The following ZBTB5 variants were observed in gnomAD, a reference collection of about 807,000 sequenced individuals.
ZBTB5 encodes the protein zinc finger and BTB domain-containing protein 5.
ZBTB5 carries 15 observed loss-of-function variants against 37.9 expected under a neutral mutation model. That is an observed-to-expected ratio of 0.40 (90% CI 0.26 to 0.61). ZBTB5 has a LOEUF of 0.61. ZBTB5 is among the 20% of genes least tolerant of loss of function. ZBTB5 has a pLI of 0.47. For missense variants in ZBTB5, 708 were observed against 856.8 expected, an observed-to-expected ratio of 0.83 and a Z score of 2.17; for synonymous variants, 315 against 312.4, an observed-to-expected ratio of 1.01 and a Z score of -0.09.
In ZBTB5 at chr9:37,440,807, G is replaced by A; in HGVS notation, c.1745C>T (p.Pro582Leu). Residue 582 changes from proline to leucine, a missense_variant, in exon 2 of 2, where the codon CCA (proline) becomes CTA (leucine). Around this residue, in one of 3 missense-constraint regions of ZBTB5, gnomAD observed 639 missense variants for 690.5 expected, o/e 0.93. Coordinates refer to ENST00000307750, the MANE Select transcript of ZBTB5 (RefSeq NM_014872.3). ...ENGHPSQPGP[P>L]QLTRASADVL... is the part of the protein sequence containing the mutation. ...ATCTGCAGATGCCCTGGTCAACTGT[G>A]GAGGGCCAGGCTGGGAAGGATGGCC... 3 of 1,614,208 alleles carry A rather than the reference G, an allele frequency of 1.9e-6. No homozygotes were observed. The highest frequency in any genetic ancestry group is 2.5e-6 in the Non-Finnish European group (3 of 1,180,042).
intron 1 of ZBTB5, among the ~76,000 whole-genome samples, chr9:37,455,287 C>A (rs985027872): frequency 6.6e-6 from 1 of 152,184 alleles, no homozygotes; most frequent in Admixed American, 6.5e-5. Context: ...GGCCACAGGA[C>A]AGCCGAACTC....
Position 37,442,459 on chromosome 9 carries a change from C to T in ZBTB5, c.93G>A (p.Gly31=), listed in dbSNP as rs770215945. Residue 31 remains glycine, a synonymous_variant, in exon 2 of 2, where the codon GGG becomes GGA. Transcript: ENST00000307750. ...GQLCDCVIVV[G]NRHFKAHRSV... ...AGCGGTGGGCTTTAAAGTGTCTATTCCCCACTACAATGACACAATCACAGA... is the reference window on the plus strand; with the variant it reads ...AGCGGTGGGCTTTAAAGTGTCTATTTCCCACTACAATGACACAATCACAGA... 9.9e-6 allele frequency: 16 copies of T among 1,614,096 alleles called. No homozygotes were observed. The Admixed American group carries it at 2.5e-4, about 25-fold the overall frequency.
intron 1 of ZBTB5, among the ~76,000 whole-genome samples, chr9:37,444,282 T>C (rs1292186589): frequency 6.6e-6 from 1 of 151,972 alleles, no homozygotes; most frequent in Non-Finnish European, 1.5e-5. Context: ...CACTGCAACC[T>C]CCGCCTCCCG....
At chr9:37,453,169 C>T (rs956498580) in intron 1 of ZBTB5, among the ~76,000 whole-genome samples, 3 of 152,172 alleles carry the variant, frequency 2.0e-5, no homozygotes, top group Non-Finnish European at 2.9e-5. Context: ...TTCTAAGATG[C>T]CACATGTCTG....
At chr9:37,451,808 G>A (rs1251499655) in intron 1 of ZBTB5, among the ~76,000 whole-genome samples, 7 of 152,240 alleles carry the variant, frequency 4.6e-5, no homozygotes, top group Middle Eastern at 3.4e-3. Flanking sequence ...CTAGGGAGTC[G>A]AAGTTGTCCT....
intron 1 of ZBTB5, among the ~76,000 whole-genome samples, chr9:37,456,453 G>C (rs1473194809): frequency 6.6e-6 from 1 of 152,172 alleles, no homozygotes; most frequent in Non-Finnish European, 1.5e-5. Context: ...GCTCTGTCAG[G>C]GTTGGCTCAG....
chr9:37,449,575 G>A (rs1451012692), intron 1 of ZBTB5, among the ~76,000 whole-genome samples: 1 of 151,820 alleles, frequency 6.6e-6, no homozygotes, highest in Non-Finnish European at 1.5e-5. Flanking sequence ...GCACATGCCT[G>A]TAGTCTCAGC....
intron 1 of ZBTB5, among the ~76,000 whole-genome samples, chr9:37,448,488 T>C (rs1824036204): frequency 1.3e-5 from 2 of 152,150 alleles, no homozygotes; most frequent in Non-Finnish European, 2.9e-5. Flanking sequence ...ATAGGGCCCC[T>C]CTACATATTA....
intron 1 of ZBTB5, 115 bp from the exon 2 acceptor site, chr9:37,442,670 G>T: frequency 1.3e-6 from 1 of 786,428 alleles, no homozygotes; most frequent in Non-Finnish European, 2.0e-6. Context: ...TTTGAAGCCC[G>T]TGATATCTCT....
intron 1 of ZBTB5, among the ~76,000 whole-genome samples, chr9:37,446,353 A>T (rs1301896704): frequency 1.3e-5 from 2 of 152,208 alleles, no homozygotes; most frequent in Non-Finnish European, 2.9e-5. Flanking sequence ...CCTGGGAAAT[A>T]ACTGAAATGG....
chr9:37,458,785 A>G (rs1359788479), intron 1 of ZBTB5, among the ~76,000 whole-genome samples: 1 of 152,260 alleles, frequency 6.6e-6, no homozygotes, highest in Non-Finnish European at 1.5e-5. Context: ...ATGACCATGT[A>G]GCCATGTAAC....
Position 37,441,413 on chromosome 9 carries a change from G to A in ZBTB5, c.1139C>T (p.Ser380Leu), listed in dbSNP as rs1418219167. ...CCTGTCTGTGCTAGACTGGGGATCT[G>A]AAAAACTCCGATCACTGCTTTCAGG... Reference protein sequence around the residue: ...LSPESSDRSFSDPQSSTDRVG... With the variant: ...LSPESSDRSFLDPQSSTDRVG... The change falls in exon 2 of 2, where the codon TCA becomes TTA. Residue 380 changes from serine (S) to leucine (L), a missense_variant. Around this residue, in one of 3 missense-constraint regions of ZBTB5, gnomAD observed 639 missense variants for 690.5 expected, o/e 0.93. Coordinates refer to ENST00000307750, the MANE Select transcript of ZBTB5 (RefSeq NM_014872.3). The A allele has an allele frequency of 1.1e-5, 17 of 1,613,774 alleles. No homozygotes were observed. Among genetic ancestry groups the A allele is most frequent in the Non-Finnish European group, 1.4e-5 (16 of 1,179,990 alleles).
intron 1 of ZBTB5, among the ~76,000 whole-genome samples, chr9:37,454,760 A>G (rs1431308247): frequency 6.6e-6 from 1 of 152,250 alleles, no homozygotes. Flanking sequence ...TACTTCATTC[A>G]TAACAAAAAC....
At chr9:37,457,314 A>G (rs189612810) in intron 1 of ZBTB5, among the ~76,000 whole-genome samples, 89 of 152,320 alleles carry the variant, frequency 5.8e-4, no homozygotes, top group African/African-American at 2.0e-3. Context: ...AGCTCACTGT[A>G]GCCTCCACTT....
At position 37,441,693 on chromosome 9, in the gene ZBTB5, A is replaced by T. The variant is rs751509242; in HGVS notation, c.859T>A (p.Ser287Thr). The stretch of plus-strand genomic sequence containing the variant: ...ACCTGAGTTGCACGAGAGGCCATGG[A>T]CAACTGTGCCATGTTGCCAGCACTG... ...DNSAGNMAQL[S>T]MASRATQVET... The change falls in exon 2 of 2, where the codon TCC becomes ACC. Residue 287 changes from serine (S) to threonine (T), a missense_variant. By Grantham distance (58) the Ser-to-Thr change is moderately conservative. Around this residue, in one of 3 missense-constraint regions of ZBTB5, gnomAD observed 639 missense variants for 690.5 expected, o/e 0.93. Transcript: ENST00000307750. The T allele has an allele frequency of 6.2e-7, 1 of 1,613,934 alleles. No individual in the cohort carries two copies. The highest frequency in any genetic ancestry group is 1.1e-5 in the South Asian group (1 of 91,074).
rs992487956 is a variant in ZBTB5 at position 37,440,447 on chromosome 9, G to A, written c.*71C>T. Reference sequence around the variant, plus strand: ...GGCAGCTGGAAGCCTCGAACCCAAAGGCATTAACTGCTTACCAAAAGAAAT... The same window carrying A: ...GGCAGCTGGAAGCCTCGAACCCAAAAGCATTAACTGCTTACCAAAAGAAAT... On this transcript the variant is annotated 3_prime_UTR_variant, in exon 2 of 2. Transcript: ENST00000307750. The A allele has an allele frequency of 1.1e-5, 16 of 1,401,576 alleles. No homozygotes were observed. Among genetic ancestry groups the A allele is most frequent in the South Asian group, 7.6e-5 (6 of 78,796 alleles). The allele number at this position is 1,401,576 out of a possible 1,614,324, so 86.8% of individuals were successfully genotyped here.
chr9:37,454,971 T>C (rs115106208), intron 1 of ZBTB5, among the ~76,000 whole-genome samples: 99 of 152,268 alleles, frequency 6.5e-4, no homozygotes, highest in African/African-American at 2.1e-3. Context: ...CCTAGTGATA[T>C]GGACAGGAGA....
rs2118965042 is a variant in ZBTB5 at position 37,463,171 on chromosome 9, A to G, written c.-5+2044T>C. Among the ~76,000 whole-genome samples the G allele has an allele frequency of 1.3e-5, 2 of 152,328 alleles. 1 individual carries two copies. The highest frequency in any genetic ancestry group is 4.1e-4 in the South Asian group (2 of 4,822). On this transcript the variant is annotated intron_variant, in intron 1 of 1. Transcript: ENST00000307750. ...TTAAAAGCTACTATTCAGTGGTGAA[A>G]ATGATGAGAACATATGCAAAGAGCA...
intron 1 of ZBTB5, among the ~76,000 whole-genome samples, chr9:37,459,773 C>G (rs1379942374): frequency 6.7e-6 from 1 of 148,206 alleles, no homozygotes; most frequent in Non-Finnish European, 1.5e-5. Flanking sequence ...TGCAGTGGTG[C>G]GATCTCGGCT....
Sources: allele counts gnomAD v4.1 joint callset (sites outside exome capture counted in the v4.1 genomes callset), GRCh38; gene constraint gnomAD v4.1.1; regional missense constraint gnomAD v4.1.1; transcripts MANE v1.5; gene names NCBI Gene and HGNC (gene_info 2026-07-23, HGNC 2026-07-21).